The following PICALM variants were observed in gnomAD, a reference collection of about 807,000 sequenced individuals.
PICALM encodes the protein phosphatidylinositol-binding clathrin assembly protein.
PICALM carries 40 observed loss-of-function variants against 80.5 expected under a neutral mutation model. The observed-to-expected ratio is 0.50, with a 90% CI of 0.39 to 0.65. PICALM has a LOEUF of 0.65. Ranked by LOEUF, PICALM falls within the 30% of genes least tolerant of loss-of-function variation. The pLI is 0.00. For synonymous variants in PICALM, 288 were observed against 260.3 expected, an observed-to-expected ratio of 1.11 and a Z score of -1.02; for missense variants, 676 against 778.9, an observed-to-expected ratio of 0.87 and a Z score of 1.57.
At chr11:85,973,913 T>C (rs945644380) in intron 19 of PICALM, among the ~76,000 whole-genome samples, 5 of 151,980 alleles carry the variant, frequency 3.3e-5, no homozygotes, top group Admixed American at 2.6e-4. Context: ...GTCAAAACAG[T>C]ACGAGCAGAG....
chr11:86,022,339 A>G, intron 4 of PICALM, 28 bp downstream of exon 4: 1 of 1,167,134 alleles, frequency 8.6e-7, no homozygotes, highest in Non-Finnish European at 1.3e-6. Context: ...ATTCAAATCA[A>G]TTAGATGTCA....
chr11:85,984,238 TTTACC>T (rs1231941658), intron 13 of PICALM, among the ~76,000 whole-genome samples: 1 of 152,148 alleles, frequency 6.6e-6, no homozygotes, highest in Non-Finnish European at 1.5e-5. Flanking sequence ...TTGCTTATCT[TTTACC>T]TTAATTTTAT....
intron 7 of PICALM, among the ~76,000 whole-genome samples, chr11:86,008,642 T>C (rs2095326566): frequency 6.6e-6 from 1 of 151,650 alleles, no homozygotes; most frequent in Non-Finnish European, 1.5e-5. Context: ...AAAAATCTGA[T>C]AAATTCATTA....
chr11:86,009,450 G>C (rs764536039), intron 7 of PICALM, among the ~76,000 whole-genome samples: 26 of 152,124 alleles, frequency 1.7e-4, no homozygotes, highest in Admixed American at 5.2e-4. Flanking sequence ...CCAGCACTTT[G>C]GGAGGCCCAG....
At chr11:86,064,051 A>C (rs2096408815) in intron 1 of PICALM, among the ~76,000 whole-genome samples, 1 of 152,242 alleles carries the variant, frequency 6.6e-6, no homozygotes, top group Admixed American at 6.5e-5. Context: ...GAGACATTAA[A>C]AACCATTTGT....
chr11:86,054,695 T>C (rs489486), intron 1 of PICALM, among the ~76,000 whole-genome samples: 124,603 of 152,202 alleles, frequency 0.82, 51,207 homozygotes, highest in African/African-American at 0.89. Flanking sequence ...GCATTTACCT[T>C]AATGTATTAT....
intron 17 of PICALM, among the ~76,000 whole-genome samples, chr11:85,979,981 T>C (rs971500623): frequency 6.6e-6 from 1 of 152,178 alleles, no homozygotes; most frequent in African/African-American, 2.4e-5. Context: ...TAAAACATAC[T>C]AAAACCTCTT....
intron 11 of PICALM, among the ~76,000 whole-genome samples, chr11:85,999,204 A>G (rs537024137): frequency 1.3e-5 from 2 of 152,346 alleles, no homozygotes; most frequent in South Asian, 2.1e-4. Flanking sequence ...GTATTTTTAT[A>G]AAAAAGTTTT....
At chr11:86,057,558 A>G (rs1252238852) in intron 1 of PICALM, among the ~76,000 whole-genome samples, 1 of 145,978 alleles carries the variant, frequency 6.9e-6, no homozygotes, top group Non-Finnish European at 1.5e-5. Flanking sequence ...AAACATATAA[A>G]TAAATAAATA....
intron 14 of PICALM, among the ~76,000 whole-genome samples, chr11:85,982,400 G>A (rs192692282): frequency 5.8e-4 from 69 of 119,064 alleles, no homozygotes; most frequent in Non-Finnish European, 1.1e-3. Context: ...TTCCTTTTAC[G>A]TTAAGAAATA....
Position 86,001,002 on chromosome 11 carries a change from A to G in PICALM, c.1017+33T>C, listed in dbSNP as rs79797995. 2.9e-4 allele frequency: 472 copies of G among 1,612,158 alleles called. 2 individuals carry two copies. In the African/African-American group the frequency reaches 5.7e-3, roughly 20 times the overall value. ...ATTTACCTAATGAACACCTGTACTC[A>G]TTTTTCGAAATAAGGAGAATGCACA... On this transcript the variant is annotated intron_variant, in intron 10 of 19. Coordinates refer to ENST00000393346, the MANE Select transcript of PICALM (RefSeq NM_007166.4).
chr11:86,050,328 G>T (rs17817956), intron 1 of PICALM, among the ~76,000 whole-genome samples: 23,912 of 151,106 alleles, frequency 0.16, 2,423 homozygotes, highest in Middle Eastern at 0.24. Context: ...AAAACTAGAT[G>T]TACATGTACT....
chr11:85,965,815 G>GTTTTTTTTT (rs914561533), intron 19 of PICALM, among the ~76,000 whole-genome samples: 17 of 108,148 alleles, frequency 1.6e-4, no homozygotes, highest in East Asian at 5.9e-4. Flanking sequence ...TTGTTTTTTT[G>GTTTTTTTTT]TTTTTTTTTT....
chr11:86,057,323 G>A (rs1229841828), intron 1 of PICALM, among the ~76,000 whole-genome samples: 1 of 152,118 alleles, frequency 6.6e-6, no homozygotes, highest in Non-Finnish European at 1.5e-5. Flanking sequence ...GGCGGATCAC[G>A]AGGTCAGGAG....
At chr11:85,992,163 A>AAT (rs929572269) in intron 12 of PICALM, among the ~76,000 whole-genome samples, 6 of 151,950 alleles carry the variant, frequency 3.9e-5, no homozygotes, top group South Asian at 2.1e-4. Context: ...TAGTACTAAA[A>AAT]ATATATATAT....
At chr11:86,035,137 TA>T (rs1401217755) in intron 1 of PICALM, among the ~76,000 whole-genome samples, 1 of 144,460 alleles carries the variant, frequency 6.9e-6, no homozygotes, top group African/African-American at 2.6e-5. Flanking sequence ...TTTTTTTTTT[TA>T]ACAAAGTACA....
chr11:85,964,052 T>C lies in PICALM; in HGVS notation c.1945-4992A>G, dbSNP rs572908083. On this transcript the variant is annotated intron_variant, in intron 19 of 19. Transcript: ENST00000393346. The stretch of plus-strand genomic sequence containing the variant: ...TTAAAAAAAGTCTATTGATAGACTA[T>C]CATAAAATAAAAATGGTTACTCCTT... Among the ~76,000 whole-genome samples the C allele has an allele frequency of 4.0e-5, 6 of 151,010 alleles. No homozygotes were observed. The South Asian group carries it at 1.0e-3, about 26-fold the overall frequency.
intron 19 of PICALM, among the ~76,000 whole-genome samples, chr11:85,966,846 G>A (rs781289586): frequency 2.0e-5 from 3 of 152,184 alleles, no homozygotes; most frequent in South Asian, 2.1e-4. Context: ...ACTATGGAAC[G>A]AATGGGGCTA....
At chr11:85,966,685 G>A (rs111771656) in intron 19 of PICALM, among the ~76,000 whole-genome samples, 1 of 152,112 alleles carries the variant, frequency 6.6e-6, no homozygotes, top group African/African-American at 2.4e-5. Context: ...TTGGAAACAG[G>A]GTCTTTGTAG....
Sources: gnomAD v4.1 joint callset for allele counts (sites outside exome capture counted in the v4.1 genomes callset) on GRCh38, gnomAD v4.1.1 for gene constraint, MANE v1.5 for transcripts, NCBI Gene and HGNC (gene_info 2026-07-23, HGNC 2026-07-21) for gene names.